RPSA2: variants seen among roughly 807,000 people sequenced by gnomAD.
The protein encoded by RPSA2 is small ribosomal subunit protein uS2B.
At chr19:23,841,419 A>G in the RPSA2 span, among the ~76,000 whole-genome samples, 1 of 151,916 alleles carries the variant, frequency 6.6e-6, no homozygotes, top group Non-Finnish European at 1.5e-5. Context: ...AGCCAAGATC[A>G]CGCCACTGCA....
At chr19:23,863,478 C>T in the RPSA2 span, among the ~76,000 whole-genome samples, 6 of 147,568 alleles carry the variant, frequency 4.1e-5, no homozygotes, top group South Asian at 2.2e-4. Flanking sequence ...GCAAGAGAAT[C>T]GCTTGAACTC....
At chr19:23,828,416 A>T in the RPSA2 span, among the ~76,000 whole-genome samples, 1 of 140,584 alleles carries the variant, frequency 7.1e-6, no homozygotes, top group African/African-American at 2.6e-5. Flanking sequence ...CAAAAATGCA[A>T]TGAGAAATTT....
At chr19:23,829,349 G>A in the RPSA2 span, among the ~76,000 whole-genome samples, 6 of 152,124 alleles carry the variant, frequency 3.9e-5, no homozygotes, top group African/African-American at 1.4e-4. Context: ...TGTCCATGCT[G>A]GAGTGCAATG....
At chr19:23,790,708 C>T in the RPSA2 span, 5 of 431,138 alleles carry the variant, frequency 1.2e-5, no homozygotes, top group African/African-American at 1.1e-4. Flanking sequence ...GCCTGTGTGG[C>T]CCTGTGACCT....
At chr19:23,797,500 T>A in the RPSA2 span, among the ~76,000 whole-genome samples, 2 of 152,312 alleles carry the variant, frequency 1.3e-5, no homozygotes, top group East Asian at 3.9e-4. Context: ...AAGTGCCGGT[T>A]GTTTAATTTT....
chr19:23,758,899 C>A, the RPSA2 span: 1 of 1,046,780 alleles, frequency 9.6e-7, no homozygotes, highest in Non-Finnish European at 1.4e-6. Context: ...GACAAAGGCC[C>A]CGCCAATCCC....
At chr19:23,778,242 C>T in the RPSA2 span, among the ~76,000 whole-genome samples, 1 of 152,098 alleles carries the variant, frequency 6.6e-6, no homozygotes, top group African/African-American at 2.4e-5. Flanking sequence ...GATGGAGTTT[C>T]ACTCTTGTTT....
the RPSA2 span, among the ~76,000 whole-genome samples, chr19:23,774,116 C>T: frequency 6.6e-6 from 1 of 152,182 alleles, no homozygotes; most frequent in African/African-American, 2.4e-5. Context: ...TGACATATCG[C>T]TGGGCCTTGC....
chr19:23,769,908 CTTTA>C, the RPSA2 span, among the ~76,000 whole-genome samples: 5 of 152,286 alleles, frequency 3.3e-5, no homozygotes, highest in East Asian at 9.7e-4. Context: ...TATGAAATAT[CTTTA>C]TATTAATCAC....
At chr19:23,847,166 C>T in the RPSA2 span, among the ~76,000 whole-genome samples, 1 of 148,046 alleles carries the variant, frequency 6.8e-6, no homozygotes, top group Non-Finnish European at 1.5e-5. Context: ...AATGTATTTT[C>T]TTTTTCCTTC....
At chr19:23,764,079 A>G in the RPSA2 span, among the ~76,000 whole-genome samples, 8 of 152,260 alleles carry the variant, frequency 5.3e-5, no homozygotes, top group South Asian at 2.1e-4. Context: ...ATAGTAATCT[A>G]TAAGATATAA....
chr19:23,834,900 CTTA>C, the RPSA2 span, among the ~76,000 whole-genome samples: 1 of 151,858 alleles, frequency 6.6e-6, no homozygotes, highest in South Asian at 2.1e-4. Context: ...TATTTTTATT[CTTA>C]TTTTCACATT....
the RPSA2 span, chr19:23,832,956 T>G: frequency 6.7e-7 from 1 of 1,490,302 alleles, no homozygotes; most frequent in Admixed American, 1.8e-5. Context: ...TAATTCACAG[T>G]GGAGTAAAAC....
At chr19:23,863,321 T>C in the RPSA2 span, among the ~76,000 whole-genome samples, 181 of 152,256 alleles carry the variant, frequency 1.2e-3, no homozygotes, top group Non-Finnish European at 2.0e-3. Context: ...CTCAGCACAT[T>C]GGGAGGCTAA....
the RPSA2 span, among the ~76,000 whole-genome samples, chr19:23,848,000 CT>C: frequency 6.6e-6 from 1 of 152,146 alleles, no homozygotes; most frequent in Admixed American, 6.5e-5. Flanking sequence ...CCTAAAATCG[CT>C]GCTATTCTGT....
the RPSA2 span, among the ~76,000 whole-genome samples, chr19:23,788,512 T>C: frequency 3.3e-5 from 5 of 152,158 alleles, no homozygotes; most frequent in Admixed American, 6.5e-5. Flanking sequence ...ACATTTTGCA[T>C]TGTGACATAT....
At chr19:23,760,863 C>A in the RPSA2 span, among the ~76,000 whole-genome samples, 1 of 151,098 alleles carries the variant, frequency 6.6e-6, no homozygotes, top group Non-Finnish European at 1.5e-5. Flanking sequence ...TGGGGTTTTA[C>A]CATTTTGGGC....
At chr19:23,852,700 G>A in the RPSA2 span, among the ~76,000 whole-genome samples, 1 of 152,192 alleles carries the variant, frequency 6.6e-6, no homozygotes, top group African/African-American at 2.4e-5. Context: ...GGGCCATTAT[G>A]GACATGTTAT....
the RPSA2 span, among the ~76,000 whole-genome samples, chr19:23,761,262 TAGAGACTG>T: frequency 1.3e-5 from 2 of 151,990 alleles, no homozygotes; most frequent in African/African-American, 4.8e-5. Context: ...TAAATTTTTG[TAGAGACTG>T]AGTCTCACTA....
Sources: allele counts gnomAD v4.1 joint callset (sites outside exome capture counted in the v4.1 genomes callset), GRCh38; gene constraint gnomAD v4.1.1; transcripts MANE v1.5; gene names NCBI Gene and HGNC (gene_info 2026-07-23, HGNC 2026-07-21).